PSG9: variants seen among roughly 807,000 people sequenced by gnomAD.
PSG9 encodes pregnancy specific beta-1-glycoprotein 9, also known as pregnancy-specific beta-1-glycoprotein 9.
A neutral mutation model predicts 41.9 loss-of-function variants in PSG9; 49 were observed. The ratio of observed to expected loss-of-function variants is 1.17; its 90% confidence interval spans 0.93 to 1.48. The LOEUF (loss-of-function observed/expected upper bound fraction) is 1.48. Ranked by LOEUF, PSG9 falls within the 40% of genes most tolerant of loss-of-function variation. The pLI, the probability that PSG9 is intolerant of heterozygous loss-of-function variation, is 0.00. For synonymous variants in PSG9, 263 were observed against 196.8 expected (o/e 1.34, Z -2.82); for missense variants, 641 against 520.3 (o/e 1.23, Z -2.26).
chr19:43,262,994 A>T (rs991977703), intron 2 of PSG9, among the ~76,000 whole-genome samples: 1 of 152,240 alleles, frequency 6.6e-6, no homozygotes, highest in Admixed American at 6.5e-5. Flanking sequence ...GAACATGAAC[A>T]GATGATGGAA....
At position 43,255,261 on chromosome 19, in the gene PSG9, A is replaced by G. The variant is rs1345990756; in HGVS notation, c.1244-1615T>C. Among the ~76,000 whole-genome samples, 3 of 146,808 alleles carry G rather than the reference A, an allele frequency of 2.0e-5. 1 individual carries two copies. The highest frequency in any genetic ancestry group is 4.4e-5 in the Non-Finnish European group (3 of 67,476). ...ACTCCTAGAACCACACAAAAATATGAGTATAACTATAATCAGTAATAAGAT... is the reference window on the plus strand; with the variant it reads ...ACTCCTAGAACCACACAAAAATATGGGTATAACTATAATCAGTAATAAGAT... On this transcript the variant is annotated intron_variant, in intron 5 of 5. Transcript: ENST00000270077.
chr19:43,265,986 G>T (rs1968947518), intron 2 of PSG9, among the ~76,000 whole-genome samples: 2 of 152,064 alleles, frequency 1.3e-5, no homozygotes, highest in South Asian at 4.2e-4. Flanking sequence ...GAACCGAACA[G>T]CCAGCCTAGT....
intron 3 of PSG9, chr19:43,259,848 G>C (rs950227678): frequency 1.4e-5 from 2 of 147,684 alleles, no homozygotes; most frequent in African/African-American, 5.2e-5. Context: ...TGGCTTTGGA[G>C]CAGAACCATG....
Position 43,253,647 on chromosome 19 carries a change from C to T in PSG9, c.1244-1G>A, listed in dbSNP as rs771314892. 12 of 1,194,716 alleles carry T rather than the reference C, an allele frequency of 1.0e-5. No individual in the cohort carries two copies. The highest frequency in any genetic ancestry group is 4.9e-5 in the African/African-American group (3 of 60,690). 74.0% of individuals were successfully genotyped at this position (1,194,716 alleles called of 1,614,324 possible). On this transcript the variant is annotated splice_acceptor_variant, in intron 5 of 5. Coordinates refer to ENST00000270077, the MANE Select transcript of PSG9 (RefSeq NM_002784.5). LOFTEE classifies it high-confidence loss of function. The stretch of plus-strand genomic sequence containing the variant: ...TCTGTCAGGTCTCCATGGCAGGGAC[C>T]TGATTGACAGAAGGCCCAGGTCAGT...
intron 2 of PSG9, among the ~76,000 whole-genome samples, chr19:43,265,265 G>A (rs530086064): frequency 2.0e-5 from 3 of 152,270 alleles, no homozygotes; most frequent in Admixed American, 1.3e-4. Flanking sequence ...CTAAAATGTT[G>A]TCACAGTTTC....
intron 2 of PSG9, among the ~76,000 whole-genome samples, chr19:43,262,462 A>G (rs2072289): frequency 6.6e-6 from 1 of 151,864 alleles, no homozygotes; most frequent in African/African-American, 2.4e-5. Flanking sequence ...GACTGGCCCA[A>G]CTTGTGGTCC....
At chr19:43,267,257 A>T (rs1568420485) in intron 2 of PSG9, among the ~76,000 whole-genome samples, 1 of 152,110 alleles carries the variant, frequency 6.6e-6, no homozygotes, top group African/African-American at 2.4e-5. Flanking sequence ...CTGGCTGGTG[A>T]ACAGCTCCAG....
chr19:43,269,234 G>A (rs1969132264), intron 1 of PSG9, 134 bp downstream of exon 1: 1 of 1,459,188 alleles, frequency 6.9e-7, no homozygotes, highest in Non-Finnish European at 9.4e-7. Context: ...TTGAACTCCT[G>A]ATCTCGTGAT....
intron 2 of PSG9, among the ~76,000 whole-genome samples, chr19:43,266,777 A>T (rs925982473): frequency 2.6e-5 from 4 of 152,122 alleles, no homozygotes; most frequent in African/African-American, 9.7e-5. Flanking sequence ...GGAGGAGAGG[A>T]TAGGCCTGTG....
rs73037706 is a variant in PSG9, at chr19:43,269,422, G to A, written c.10C>T (p.Leu4Phe). The change falls in exon 1 of 6, where the codon CTC (leucine) becomes TTC (phenylalanine). Residue 4 changes from leucine to phenylalanine, a missense_variant. Physicochemically the swap from Leu to Phe is conservative, Grantham distance 22 (BLOSUM62 0). Coordinates refer to ENST00000270077, the MANE Select transcript of PSG9 (RefSeq NM_002784.5). Reference sequence around the variant, plus strand: ...CGCTGTGTGCAGGAAGGGGCTGGGAGGGGCCCCATGGTCTCTGCTGCCTGT... The same window carrying A: ...CGCTGTGTGCAGGAAGGGGCTGGGAAGGGCCCCATGGTCTCTGCTGCCTGT... MGP[L>F]PAPSCTQRIT... 44,209 of 1,613,474 alleles carry A rather than the reference G, an allele frequency of 0.027. 2,130 individuals carry two copies. Among genetic ancestry groups the A allele is most frequent in the African/African-American group, 0.18 (13,790 of 74,940 alleles).
chr19:43,263,877 A>G (rs773413863), intron 2 of PSG9, among the ~76,000 whole-genome samples: 1 of 152,144 alleles, frequency 6.6e-6, no homozygotes, highest in Non-Finnish European at 1.5e-5. Context: ...AAATTAAAAG[A>G]AGTGATGTGT....
At position 43,269,367 on chromosome 19, in the gene PSG9, C is replaced by A. The variant is rs1210554645; in HGVS notation, c.64+1G>T. 1 of 1,613,442 alleles carries A rather than the reference C, an allele frequency of 6.2e-7. No homozygotes were observed. The highest frequency in any genetic ancestry group is 1.7e-5 in the Admixed American group (1 of 59,980). Reference sequence around the variant, plus strand: ...CCTCTCCCAGGAAGTTCTCTCCTCACCTGTGAGCAGGAGCCCCTTCCAGGT... The same window carrying A: ...CCTCTCCCAGGAAGTTCTCTCCTCAACTGTGAGCAGGAGCCCCTTCCAGGT... On this transcript the variant is annotated splice_donor_variant, in intron 1 of 5. Coordinates refer to ENST00000270077, the MANE Select transcript of PSG9 (RefSeq NM_002784.5). LOFTEE classifies it high-confidence loss of function.
intron 2 of PSG9, among the ~76,000 whole-genome samples, chr19:43,264,659 C>T (rs577239958): frequency 1.3e-5 from 2 of 152,078 alleles, no homozygotes; most frequent in Admixed American, 6.6e-5. Flanking sequence ...GGGTTTCACC[C>T]TGTTAGCCAG....
At chr19:43,262,700 A>G (rs1045309867) in intron 2 of PSG9, among the ~76,000 whole-genome samples, 9 of 152,178 alleles carry the variant, frequency 5.9e-5, no homozygotes, top group African/African-American at 2.2e-4. Context: ...CAGTTAAGAC[A>G]TCAGGCAGTG....
Position 43,261,876 on chromosome 19 carries a change from G to T in PSG9, c.693C>A (p.Val231=), listed in dbSNP as rs763184483. 9 of 1,614,084 alleles carry T rather than the reference G, an allele frequency of 5.6e-6. No individual in the cohort carries two copies. In the Middle Eastern group the frequency reaches 5.0e-4, roughly 89 times the overall value. The part of the protein sequence containing the change: ...NPVSASRSDP[V]TLNLLPKLPI... The stretch of plus-strand genomic sequence containing the variant: ...GATACTCACGGAGGAGATTCAGGGT[G>T]ACTGGGTCACTGCGACTGGCACTCA... The change falls in exon 3 of 6, where the codon GTC becomes GTA. Residue 231 remains valine, a synonymous_variant. Coordinates refer to ENST00000270077, the MANE Select transcript of PSG9 (RefSeq NM_002784.5).
intron 3 of PSG9, chr19:43,260,339 G>C (rs1047653570): frequency 2.0e-5 from 3 of 146,604 alleles, no homozygotes; most frequent in African/African-American, 7.8e-5. Context: ...TTGGATTTCT[G>C]ACATTTTTTT....
intron 2 of PSG9, among the ~76,000 whole-genome samples, chr19:43,265,130 A>C (rs1968906709): frequency 6.6e-6 from 1 of 152,122 alleles, no homozygotes; most frequent in Non-Finnish European, 1.5e-5. Context: ...TTTATGGTTT[A>C]ACTTTGAAGC....
At chr19:43,264,116 C>A (rs1968854065) in intron 2 of PSG9, among the ~76,000 whole-genome samples, 1 of 152,000 alleles carries the variant, frequency 6.6e-6, no homozygotes, top group Admixed American at 6.5e-5. Flanking sequence ...AAAATGGCAT[C>A]ATCATGAGGA....
intron 2 of PSG9, among the ~76,000 whole-genome samples, chr19:43,266,441 C>A (rs1030757608): frequency 6.6e-6 from 1 of 151,978 alleles, no homozygotes; most frequent in African/African-American, 2.4e-5. Context: ...GAGTGTGTGT[C>A]TCTCGCTGGG....
Sources: allele counts gnomAD v4.1 joint callset (sites outside exome capture counted in the v4.1 genomes callset), GRCh38; gene constraint gnomAD v4.1.1; transcripts MANE v1.5; gene names NCBI Gene and HGNC (gene_info 2026-07-23, HGNC 2026-07-21).